SELENOO: variants seen among roughly 807,000 people sequenced by gnomAD.
The protein encoded by SELENOO is protein adenylyltransferase SelO, mitochondrial.
Under a neutral mutation model 58.7 loss-of-function variants are expected in SELENOO, and 74 were observed. The ratio of observed to expected loss-of-function variants is 1.26; its 90% CI spans 1.04 to 1.53. The LOEUF (loss-of-function observed/expected upper bound fraction) is 1.53. Ranked by LOEUF, SELENOO falls within the 40% of genes most tolerant of loss-of-function variation. SELENOO has a pLI of 0.00. For synonymous variants in SELENOO, 543 were observed against 453.2 expected (o/e 1.20, Z -2.52); for missense variants, 1,149 against 970.0 (o/e 1.18, Z -2.45).
intron 1 of SELENOO, 89 bp downstream of exon 1, chr22:50,201,679 C>T (rs1345778350): frequency 7.1e-6 from 7 of 985,742 alleles, no homozygotes; most frequent in Non-Finnish European, 9.1e-6. Context: ...GGGCGTCCGG[C>T]GGCTACTGCC....
intron 2 of SELENOO, among the ~76,000 whole-genome samples, chr22:50,207,209 G>A (rs1305641620): frequency 2.6e-5 from 4 of 151,880 alleles, no homozygotes; most frequent in South Asian, 2.1e-4. Flanking sequence ...TGCAACCTCC[G>A]CCTCCCGGGT....
At position 50,201,043 on chromosome 22, in the gene SELENOO, GTA is replaced by G; in HGVS notation, c.10_11del (p.Tyr4GlnfsTer229). On this transcript the variant is annotated frameshift_variant, in exon 1 of 9. Coordinates refer to ENST00000380903, the MANE Select transcript of SELENOO (RefSeq NM_031454.2). LOFTEE classifies it high-confidence loss of function. MA[V>X]YRAALGASLA... ...GGCGGGAGCGGGGCCGCGGATGGCCGTATACAGGGCAGCGCTCGGGGCTTCGC... is the reference window on the plus strand; with the variant it reads ...GGCGGGAGCGGGGCCGCGGATGGCCGTACAGGGCAGCGCTCGGGGCTTCGC... 1 of 1,306,192 alleles carries G rather than the reference GTA, an allele frequency of 7.7e-7. No homozygotes were observed. Among genetic ancestry groups the G allele is most frequent in the East Asian group, 3.2e-5 (1 of 31,514 alleles). 80.9% of individuals were successfully genotyped at this position (1,306,192 alleles called of 1,614,324 possible). A position where few individuals can be genotyped will look rare whatever the true frequency, so the allele number is the denominator to read the frequency against.
At chr22:50,213,084 G>A (rs1046629209) in intron 5 of SELENOO, among the ~76,000 whole-genome samples, 4 of 152,008 alleles carry the variant, frequency 2.6e-5, no homozygotes, top group Admixed American at 6.6e-5. Context: ...GTTTTTAGAC[G>A]GAGTCTTACT....
chr22:50,206,366 T>C lies in SELENOO; in HGVS notation c.604T>C (p.Cys202Arg). 1 of 1,614,100 alleles carries C rather than the reference T, an allele frequency of 6.2e-7. No individual in the cohort carries two copies. The change falls in exon 2 of 9, where the codon TGC becomes CGC. Residue 202 changes from cysteine (C) to arginine (R), a missense_variant. By Grantham distance (180) the Cys-to-Arg change is radical (BLOSUM62 -3). Transcript: ENST00000380903. ...VLRSSIREFLCSEAMFHLGVP... is the reference protein window; with the variant it reads ...VLRSSIREFLRSEAMFHLGVP... The stretch of plus-strand genomic sequence containing the variant: ...ACGGTCAAGCATCCGGGAGTTTCTA[T>C]GCAGCGAAGCCATGTTCCACCTGGG...
In SELENOO at chr22:50,217,113, C is replaced by G; in HGVS notation, c.1830C>G (p.Arg610=). 1 of 1,612,948 alleles carries G rather than the reference C, an allele frequency of 6.2e-7. No individual in the cohort carries two copies. Among genetic ancestry groups the G allele is most frequent in the African/African-American group, 1.3e-5 (1 of 75,052 alleles). The change falls in exon 8 of 9, where the codon CGC becomes CGG. Residue 610 remains arginine, a synonymous_variant. Transcript: ENST00000380903. ...IAQNAIEAAE[R]GDFSEVRRVL... The stretch of plus-strand genomic sequence containing the variant: ...AGAATGCCATCGAGGCTGCCGAGCG[C>G]GGGGACTTCTCAGAGGCAAGCACAC...
In SELENOO at chr22:50,202,477, G is replaced by T. The variant is rs149496957; in HGVS notation, c.554+887G>T. 9.3e-3 allele frequency among the ~76,000 whole-genome samples: 1,409 copies of T among 152,112 alleles called. 22 individuals carry two copies. Among genetic ancestry groups the T allele is most frequent in the African/African-American group, 0.032 (1,323 of 41,496 alleles). The stretch of plus-strand genomic sequence containing the variant: ...CACCCCCAGCGACCTGCTTAGAGTT[G>T]ACAGCACCGGCCGCCCACTGGAGCG... On this transcript the variant is annotated intron_variant, in intron 1 of 8. Coordinates refer to ENST00000380903, the MANE Select transcript of SELENOO (RefSeq NM_031454.2).
chr22:50,203,367 C>A (rs1029320872), intron 1 of SELENOO, among the ~76,000 whole-genome samples: 2 of 152,100 alleles, frequency 1.3e-5, no homozygotes, highest in African/African-American at 4.8e-5. Flanking sequence ...CAGAGTGAGA[C>A]CCTGTCTCAA....
chr22:50,213,253 G>T (rs1207017945), intron 5 of SELENOO, among the ~76,000 whole-genome samples: 1 of 125,976 alleles, frequency 7.9e-6, no homozygotes, highest in Admixed American at 7.9e-5. Flanking sequence ...GAGAGATGGG[G>T]CTTCACCATG....
In SELENOO at chr22:50,208,566, A is replaced by G; in HGVS notation, c.789A>G (p.Ala263=). The G allele has an allele frequency of 6.2e-7, 1 of 1,613,784 alleles. No individual in the cohort carries two copies. The highest frequency in any genetic ancestry group is 2.2e-5 in the East Asian group (1 of 44,874). The part of the protein sequence containing the change: ...RFGSFEIFKS[A]DEHTGRAGPS... ...GATCCTTTGAGATTTTTAAGTCTGC[A>G]GATGAGCACACAGGGCGTGCAGGCC... The change falls in exon 3 of 9, where the codon GCA becomes GCG. Residue 263 remains alanine, a synonymous_variant. Transcript: ENST00000380903.
In SELENOO at chr22:50,208,584, T is replaced by C. The variant is rs368131516; in HGVS notation, c.807T>C (p.Arg269=). 29 of 1,613,824 alleles carry C rather than the reference T, an allele frequency of 1.8e-5. No homozygotes were observed. The highest frequency in any genetic ancestry group is 2.2e-5 in the South Asian group (2 of 91,082). ...IFKSADEHTG[R]AGPSVGRNDI... Reference sequence around the variant, plus strand: ...AGTCTGCAGATGAGCACACAGGGCGTGCAGGCCCCAGCGTGGGGAGGAACG... The same window carrying C: ...AGTCTGCAGATGAGCACACAGGGCGCGCAGGCCCCAGCGTGGGGAGGAACG... The change falls in exon 3 of 9, where the codon CGT becomes CGC. Residue 269 remains arginine, a synonymous_variant. Transcript: ENST00000380903.
In SELENOO at chr22:50,216,859, C is replaced by G. The variant is rs778901366; in HGVS notation, c.1671C>G (p.Asp557Glu). ...LQSRNQGHWA[D>E]WLQAYRARLD... The stretch of plus-strand genomic sequence containing the variant: ...GCAGGAACCAGGGCCACTGGGCTGA[C>G]TGGCTACAGGCGTACAGGTGAGCCC... Residue 557 changes from aspartate (D) to glutamate (E), a missense_variant, in exon 7 of 9, where the codon GAC becomes GAG. Asp to Glu is a conservative substitution (Grantham distance 45). Transcript: ENST00000380903. 8.1e-6 allele frequency: 13 copies of G among 1,607,968 alleles called. 1 individual carries two copies. The South Asian group carries it at 1.4e-4, about 18-fold the overall frequency.
At chr22:50,206,645 TC>T in intron 2 of SELENOO, 125 bp downstream of exon 2, 1 of 827,568 alleles carries the variant, frequency 1.2e-6, no homozygotes, top group Non-Finnish European at 1.9e-6. Context: ...CTTCTGAAAG[TC>T]CAGCCTGTCC....
At chr22:50,203,553 C>T (rs903896777) in intron 1 of SELENOO, among the ~76,000 whole-genome samples, 1 of 152,182 alleles carries the variant, frequency 6.6e-6, no homozygotes, top group African/African-American at 2.4e-5. Flanking sequence ...AATAAAGAGC[C>T]TAGAAATAAA....
Position 50,206,453 on chromosome 22 carries a change from T to C in SELENOO, c.691T>C (p.Phe231Leu), listed in dbSNP as rs780621118. Reference sequence around the variant, plus strand: ...CGAGTCCACGGTGGTGCGCGACGTGTTCTATGATGGTAATCCCAAATATGA... The same window carrying C: ...CGAGTCCACGGTGGTGCGCGACGTGCTCTATGATGGTAATCCCAAATATGA... ...TSESTVVRDVFYDGNPKYEQC... is the reference protein window; with the variant it reads ...TSESTVVRDVLYDGNPKYEQC... The change falls in exon 2 of 9, where the codon TTC (phenylalanine) becomes CTC (leucine). Residue 231 changes from phenylalanine (F) to leucine (L), a missense_variant. By Grantham distance (22) the Phe-to-Leu change is conservative. Coordinates refer to ENST00000380903, the MANE Select transcript of SELENOO (RefSeq NM_031454.2). 1.2e-6 allele frequency: 2 copies of C among 1,614,026 alleles called. No homozygotes were observed. Among genetic ancestry groups the C allele is most frequent in the African/African-American group, 1.3e-5 (1 of 74,912 alleles).
At position 50,210,264 on chromosome 22, in the gene SELENOO, C is replaced by T; in HGVS notation, c.1023C>T (p.Ser341=). ...GCGTGCTCAACACCGACAACATGAG[C>T]ATCCTGGGGCTCACCATCGACTACG... ...CHGVLNTDNM[S]ILGLTIDYGP... is the part of the protein sequence containing the mutation. Residue 341 remains serine (S), a synonymous_variant, in exon 4 of 9, where the codon AGC becomes AGT. Coordinates refer to ENST00000380903, the MANE Select transcript of SELENOO (RefSeq NM_031454.2). 3 of 1,613,474 alleles carry T rather than the reference C, an allele frequency of 1.9e-6. 1 individual carries two copies. The highest frequency in any genetic ancestry group is 8.5e-7 in the Non-Finnish European group (1 of 1,179,964).
intron 5 of SELENOO, among the ~76,000 whole-genome samples, chr22:50,213,293 G>A (rs576345470): frequency 1.3e-5 from 2 of 152,252 alleles, no homozygotes; most frequent in South Asian, 2.1e-4. Flanking sequence ...ACACCTGATC[G>A]CAAGTGATCT....
At position 50,217,458 on chromosome 22, in the gene SELENOO, C is replaced by T. The variant is rs1250539545; in HGVS notation, c.*89C>T. ...AGATGATGCCAGGCTGCCCTATACA[C>T]TGGGGGATTCTGCCCTGGCCCATGC... On this transcript the variant is annotated 3_prime_UTR_variant, in exon 9 of 9. Coordinates refer to ENST00000380903, the MANE Select transcript of SELENOO (RefSeq NM_031454.2). 2 of 1,457,602 alleles carry T rather than the reference C, an allele frequency of 1.4e-6. No homozygotes were observed. Among genetic ancestry groups the T allele is most frequent in the African/African-American group, 1.4e-5 (1 of 70,030 alleles). The allele number at this position is 1,457,602 out of a possible 1,614,324, so 90.3% of individuals were successfully genotyped here. A position where few individuals can be genotyped will look rare whatever the true frequency, so the allele number is the denominator to read the frequency against.
Position 50,212,766 on chromosome 22 carries a change from G to A in SELENOO, c.1351+1855G>A, listed in dbSNP as rs926303407. Among the ~76,000 whole-genome samples the A allele has an allele frequency of 8.0e-5, 12 of 150,892 alleles. No individual in the cohort carries two copies. The East Asian group carries it at 1.9e-3, about 24-fold the overall frequency. ...CTTCGTGTAAGTGGAGTTACGCAGC[G>A]TGCGCCTGTTTCTTCAGTCTGTTGT... is the stretch of plus-strand genomic sequence containing the variant. On this transcript the variant is annotated intron_variant, in intron 5 of 8. Coordinates refer to ENST00000380903, the MANE Select transcript of SELENOO (RefSeq NM_031454.2).
At chr22:50,211,237 C>G (rs2064369561) in intron 5 of SELENOO, among the ~76,000 whole-genome samples, 1 of 152,200 alleles carries the variant, frequency 6.6e-6, no homozygotes, top group Non-Finnish European at 1.5e-5. Flanking sequence ...GTTTGCTTAT[C>G]CACGACATAC....
Sources: allele counts gnomAD v4.1 joint callset (sites outside exome capture counted in the v4.1 genomes callset), GRCh38; gene constraint gnomAD v4.1.1; transcripts MANE v1.5; gene names NCBI Gene and HGNC (gene_info 2026-07-23, HGNC 2026-07-21).